Variants in DNAAF5 observed in about 807,000 individuals in gnomAD.
DNAAF5 encodes the protein dynein axonemal assembly factor 5.
A neutral mutation model predicts 75.8 loss-of-function variants in DNAAF5; 64 were observed. That is an observed-to-expected ratio of 0.84 (90% CI 0.69 to 1.04). DNAAF5 has a LOEUF of 1.04. Among genes scored for constraint, DNAAF5 ranks in the 50% least tolerant of loss-of-function variants. The probability of loss-of-function intolerance (pLI) is 0.00; values close to 1 mark genes in which losing one functional copy is unlikely to be tolerated. For synonymous variants in DNAAF5, 657 were observed against 557.2 expected (o/e 1.18, Z -2.52); for missense variants, 1,269 against 1,178.5 (o/e 1.08, Z -1.12).
At chr7:781,435 C>T (rs971142369) in intron 12 of DNAAF5, among the ~76,000 whole-genome samples, 4 of 152,202 alleles carry the variant, frequency 2.6e-5, no homozygotes, top group African/African-American at 4.8e-5. Flanking sequence ...GTGGACACCC[C>T]GGTTGCTTCC....
intron 12 of DNAAF5, among the ~76,000 whole-genome samples, chr7:781,464 CAGTG>C (rs144972150): frequency 0.026 from 3,914 of 152,340 alleles, 114 homozygotes; most frequent in Non-Finnish European, 0.035. Flanking sequence ...GCTGTCGGAA[CAGTG>C]GGGCATTCGG....
chr7:736,085 A>G (rs1404355346), intron 2 of DNAAF5, among the ~76,000 whole-genome samples: 4 of 152,062 alleles, frequency 2.6e-5, no homozygotes, highest in Non-Finnish European at 5.9e-5. Context: ...CTTGTTATTA[A>G]TTTCTAGTTT....
intron 4 of DNAAF5, among the ~76,000 whole-genome samples, chr7:752,699 G>A (rs751852789): frequency 3.3e-5 from 5 of 152,208 alleles, no homozygotes; most frequent in African/African-American, 7.2e-5. Context: ...TCAAAAGACC[G>A]CTCTGTAACA....
At chr7:753,176 A>G (rs1184094400) in intron 4 of DNAAF5, among the ~76,000 whole-genome samples, 4 of 152,318 alleles carry the variant, frequency 2.6e-5, no homozygotes, top group African/African-American at 4.8e-5. Flanking sequence ...CACAGCTGGT[A>G]TTTGTCCCGG....
intron 11 of DNAAF5, among the ~76,000 whole-genome samples, chr7:777,304 C>G (rs969220466): frequency 6.6e-6 from 1 of 152,128 alleles, no homozygotes; most frequent in African/African-American, 2.4e-5. Context: ...CACCGAAGAC[C>G]CGGCGCTAAG....
rs564344202 is a variant in DNAAF5 at position 773,046 on chromosome 7, CACCCTGA to C, written c.1932-1000_1932-994del. 4.6e-5 allele frequency: 7 copies of C among 152,284 alleles called. No individual in the cohort carries two copies. In the East Asian group the frequency reaches 1.3e-3, roughly 29 times the overall value. The allele number at this position is 152,284 out of a possible 1,614,324, so 9.4% of individuals were successfully genotyped here. A position where few individuals can be genotyped will look rare whatever the true frequency, so the allele number is the denominator to read the frequency against. ...ACGCCTGGCCCACACTTGGACCCCA[CACCCTGA>C]AGGCCAGGACTTCCAGGCCATTTCA... On this transcript the variant is annotated intron_variant, in intron 9 of 12. Coordinates refer to ENST00000297440, the MANE Select transcript of DNAAF5 (RefSeq NM_017802.4).
chr7:738,777 G>A (rs901559075), intron 2 of DNAAF5, among the ~76,000 whole-genome samples: 4 of 152,212 alleles, frequency 2.6e-5, no homozygotes, highest in African/African-American at 7.2e-5. Flanking sequence ...CCAAATCCCG[G>A]CCCTAGCTGT....
chr7:771,676 C>T (rs1055589531), intron 9 of DNAAF5: 2 of 152,248 alleles, frequency 1.3e-5, no homozygotes, highest in African/African-American at 4.8e-5. Context: ...AGCTGTCCAG[C>T]TTGCAGGCTG....
intron 12 of DNAAF5, among the ~76,000 whole-genome samples, chr7:781,249 T>C (rs1367390397): frequency 6.6e-6 from 1 of 152,230 alleles, no homozygotes; most frequent in Non-Finnish European, 1.5e-5. Flanking sequence ...TTTTTATTTT[T>C]AGTTCCCACA....
chr7:770,087 G>C (rs1422588062), intron 8 of DNAAF5, among the ~76,000 whole-genome samples: 3 of 151,572 alleles, frequency 2.0e-5, no homozygotes, highest in African/African-American at 4.9e-5. Flanking sequence ...AAGTAGATGG[G>C]ACTACAGGTA....
intron 5 of DNAAF5, among the ~76,000 whole-genome samples, chr7:756,476 G>A (rs1017862859): frequency 1.2e-4 from 18 of 152,206 alleles, no homozygotes; most frequent in Non-Finnish European, 1.9e-4. Context: ...TGATGGGAAG[G>A]TTGGGTCACT....
chr7:784,027 T>G (rs370509610), intron 12 of DNAAF5, among the ~76,000 whole-genome samples: 3 of 13,890 alleles, frequency 2.2e-4, no homozygotes, highest in Admixed American at 1.3e-3. Context: ...CGCCCCCACC[T>G]CCCCCACCTC....
chr7:768,006 G>A (rs1444354674), intron 8 of DNAAF5, among the ~76,000 whole-genome samples: 9 of 151,032 alleles, frequency 6.0e-5, no homozygotes, highest in Admixed American at 4.6e-4. Flanking sequence ...TGGCCCGGGC[G>A]GAAGTGTCCT....
At chr7:757,117 A>G (rs1012575658) in intron 6 of DNAAF5, 123 bp downstream of exon 6, 17 of 948,566 alleles carry the variant, frequency 1.8e-5, no homozygotes, top group Non-Finnish European at 2.5e-5. Flanking sequence ...GGAAGCACCC[A>G]GCGACGTGTC....
At chr7:734,854 ATATAGTTGCTCACAG>A (rs936686844) in intron 2 of DNAAF5, among the ~76,000 whole-genome samples, 17 of 152,360 alleles carry the variant, frequency 1.1e-4, no homozygotes, top group African/African-American at 3.6e-4. Flanking sequence ...ATTTATTGGC[ATATAGTTGCTCACAG>A]TATAGTTGCT....
chr7:784,921 A>G (rs1347831028), intron 12 of DNAAF5, among the ~76,000 whole-genome samples: 2 of 151,610 alleles, frequency 1.3e-5, no homozygotes, highest in Non-Finnish European at 2.9e-5. Context: ...CCGTGCACCC[A>G]CCCAGCAGCA....
At position 782,078 on chromosome 7, in the gene DNAAF5, C is replaced by T. The variant is rs138740139; in HGVS notation, c.2431+1934C>T. 2.8e-3 allele frequency among the ~76,000 whole-genome samples: 433 copies of T among 152,236 alleles called. 2 individuals are homozygous for T. The highest frequency in any genetic ancestry group is 9.7e-3 in the African/African-American group (403 of 41,492). On this transcript the variant is annotated intron_variant, in intron 12 of 12. Transcript: ENST00000297440. Reference sequence around the variant, plus strand: ...CGCGCAGCTGCGTCCGGTTTCCCGGCGTGGCTACATCCGGTTATGCGATGT... The same window carrying T: ...CGCGCAGCTGCGTCCGGTTTCCCGGTGTGGCTACATCCGGTTATGCGATGT...
intron 4 of DNAAF5, chr7:750,932 T>A (rs1456927498): frequency 1.8e-5 from 3 of 165,004 alleles, no homozygotes; most frequent in African/African-American, 7.2e-5. Context: ...AATACTGAGG[T>A]CAAGAGTTCA....
At chr7:773,258 C>T (rs1420060956) in intron 9 of DNAAF5, among the ~76,000 whole-genome samples, 1 of 152,222 alleles carries the variant, frequency 6.6e-6, no homozygotes, top group Non-Finnish European at 1.5e-5. Flanking sequence ...CTGGCTGGTC[C>T]CAACATGGCC....
Sources: gnomAD v4.1 joint callset for allele counts (sites outside exome capture counted in the v4.1 genomes callset) on GRCh38, gnomAD v4.1.1 for gene constraint, MANE v1.5 for transcripts, NCBI Gene and HGNC (gene_info 2026-07-23, HGNC 2026-07-21) for gene names.